The following STPG2 variants were observed in gnomAD, a reference collection of about 807,000 sequenced individuals.
The protein encoded by STPG2 is sperm-tail PG-rich repeat-containing protein 2.
Under a neutral mutation model 54.2 loss-of-function variants are expected in STPG2, and 56 were observed. The observed-to-expected ratio is 1.03, with a 90% CI of 0.83 to 1.29. STPG2 has a LOEUF of 1.29. Ranked by LOEUF, STPG2 falls within the 50% of genes most tolerant of loss-of-function variation. The pLI is 0.00. For synonymous variants in STPG2, 200 were observed against 181.8 expected, an observed-to-expected ratio of 1.10 and a Z score of -0.81; for missense variants, 596 against 544.9, an observed-to-expected ratio of 1.09 and a Z score of -0.93.
At chr4:97,851,778 C>A (rs1729165632) in intron 8 of STPG2, among the ~76,000 whole-genome samples, 1 of 152,054 alleles carries the variant, frequency 6.6e-6, no homozygotes, top group Admixed American at 6.6e-5. Flanking sequence ...AAAAAGTAGA[C>A]TTTGACTTTT....
chr4:97,462,597 G>T (rs1019070873), intron 4 of STPG2, among the ~76,000 whole-genome samples: 1 of 151,702 alleles, frequency 6.6e-6, no homozygotes, highest in Non-Finnish European at 1.5e-5. Context: ...TTTTGTAGTT[G>T]TCAGTTTGGA....
intron 5 of STPG2, among the ~76,000 whole-genome samples, chr4:98,041,864 G>A (rs1205663484): frequency 6.6e-6 from 1 of 151,900 alleles, no homozygotes; most frequent in Non-Finnish European, 1.5e-5. Flanking sequence ...AGTTAGGGAG[G>A]ATTTCCTCCT....
chr4:97,540,150 G>A (rs1403984592), intron 4 of STPG2, among the ~76,000 whole-genome samples: 2 of 151,552 alleles, frequency 1.3e-5, no homozygotes, highest in South Asian at 2.1e-4. Flanking sequence ...AGGAGACAGA[G>A]ACAAAAAACC....
intron 9 of STPG2, among the ~76,000 whole-genome samples, chr4:97,774,025 G>GTGTGTGTC (rs1726298766): frequency 6.6e-6 from 1 of 151,054 alleles, no homozygotes; most frequent in Non-Finnish European, 1.5e-5. Flanking sequence ...GTGTGTGTGT[G>GTGTGTGTC]TCAGAAAGAC....
At chr4:98,049,689 C>T (rs1737251847) in intron 5 of STPG2, among the ~76,000 whole-genome samples, 1 of 152,150 alleles carries the variant, frequency 6.6e-6, no homozygotes. Flanking sequence ...CAACAGTAAA[C>T]AGTTTTATTT....
intron 4 of STPG2, among the ~76,000 whole-genome samples, chr4:97,480,317 T>C (rs1465818422): frequency 6.6e-6 from 1 of 151,544 alleles, no homozygotes; most frequent in Admixed American, 6.6e-5. Flanking sequence ...GGTTTACCCA[T>C]TTAAAAAAAG....
intron 8 of STPG2, among the ~76,000 whole-genome samples, chr4:97,854,945 C>T (rs1169286924): frequency 6.6e-6 from 1 of 152,134 alleles, no homozygotes; most frequent in African/African-American, 2.4e-5. Flanking sequence ...TTGTTCTCCA[C>T]CATGTGTCCA....
At chr4:97,918,931 C>T (rs1378663362) in intron 8 of STPG2, among the ~76,000 whole-genome samples, 1 of 151,976 alleles carries the variant, frequency 6.6e-6, no homozygotes, top group Non-Finnish European at 1.5e-5. Context: ...ATTTATGTAA[C>T]CAAACACCAC....
In STPG2 at chr4:97,972,353, C is replaced by A; in HGVS notation, c.860G>T (p.Gly287Val). 2 of 1,610,544 alleles carry A rather than the reference C, an allele frequency of 1.2e-6. No individual in the cohort carries two copies. Among genetic ancestry groups the A allele is most frequent in the Non-Finnish European group, 8.5e-7 (1 of 1,177,748 alleles). Residue 287 changes from glycine to valine, a missense_variant, in exon 7 of 11, where the codon GGT (glycine) becomes GTT (valine). Coordinates refer to ENST00000295268, the MANE Select transcript of STPG2 (RefSeq NM_174952.3). Reference sequence around the variant, plus strand: ...GAAGAAAGTCCGAGGAACAGAAGAACCAAATGCACTTTTCTTCTGTTTCTT... The same window carrying A: ...GAAGAAAGTCCGAGGAACAGAAGAAACAAATGCACTTTTCTTCTGTTTCTT... The part of the protein sequence containing the change: ...CSKKQKKSAF[G>V]SSVPRTFFSV...
rs1731766181 is a variant in STPG2 at position 97,543,483 on chromosome 4, C to T, written c.462+169216G>A. Among the ~76,000 whole-genome samples, 4 of 151,646 alleles carry T rather than the reference C, an allele frequency of 2.6e-5. 1 individual carries two copies. The South Asian group carries it at 8.3e-4, about 31-fold the overall frequency. On this transcript the variant is annotated intron_variant, in intron 4 of 4. Transcript: ENST00000522676. ...ACGGGAAAAAAAATAAAATGCTAAG[C>T]TTAAAGAAACTTAAAAATTATATAA...
chr4:98,029,651 A>C (rs1736532941), intron 5 of STPG2, among the ~76,000 whole-genome samples: 1 of 152,190 alleles, frequency 6.6e-6, no homozygotes, highest in South Asian at 2.1e-4. Flanking sequence ...AGGACATAGA[A>C]GTATTACAAA....
At chr4:97,688,127 A>C (rs1289645570) in intron 10 of STPG2, among the ~76,000 whole-genome samples, 1 of 152,092 alleles carries the variant, frequency 6.6e-6, no homozygotes, top group African/African-American at 2.4e-5. Context: ...TCTAAAAGTG[A>C]GTTTAGCTAG....
chr4:98,079,091 G>A (rs1738259924), intron 5 of STPG2, among the ~76,000 whole-genome samples: 2 of 151,864 alleles, frequency 1.3e-5, no homozygotes, highest in Admixed American at 6.6e-5. Context: ...AGCTTTTTTG[G>A]ATGCTCAAAA....
At chr4:97,814,744 C>T (rs1348835718) in intron 9 of STPG2, among the ~76,000 whole-genome samples, 2 of 152,008 alleles carry the variant, frequency 1.3e-5, no homozygotes, top group Admixed American at 6.6e-5. Context: ...GGCAGAAAAA[C>T]GTGAAAAGAC....
intron 9 of STPG2, among the ~76,000 whole-genome samples, chr4:97,822,211 T>C (rs1042519542): frequency 7.2e-5 from 11 of 152,244 alleles, no homozygotes; most frequent in African/African-American, 2.7e-4. Context: ...TTTTTTCTGC[T>C]AGATACCCTA....
At chr4:97,891,094 G>A (rs1257450555) in intron 8 of STPG2, among the ~76,000 whole-genome samples, 1 of 151,788 alleles carries the variant, frequency 6.6e-6, no homozygotes, top group African/African-American at 2.4e-5. Flanking sequence ...ACAGAACAGG[G>A]GTTGCCTGAT....
At chr4:97,853,190 T>C (rs961720098) in intron 8 of STPG2, among the ~76,000 whole-genome samples, 1 of 151,858 alleles carries the variant, frequency 6.6e-6, no homozygotes, top group African/African-American at 2.4e-5. Context: ...GTGGTCTAGA[T>C]CTCCTGGCCT....
chr4:98,063,657 A>C (rs1737733672), intron 5 of STPG2, among the ~76,000 whole-genome samples: 1 of 142,008 alleles, frequency 7.0e-6, no homozygotes, highest in Admixed American at 7.0e-5. Context: ...AAATTAAGCA[A>C]TTGGTAAGTA....
chr4:97,616,214 G>A (rs552778224), intron 10 of STPG2, among the ~76,000 whole-genome samples: 1 of 150,358 alleles, frequency 6.7e-6, no homozygotes, highest in South Asian at 2.1e-4. Context: ...TCCTAAAGAA[G>A]TCATGATGAT....
Sources: gnomAD v4.1 joint callset for allele counts (sites outside exome capture counted in the v4.1 genomes callset) on GRCh38, gnomAD v4.1.1 for gene constraint, MANE v1.5 for transcripts, NCBI Gene and HGNC (gene_info 2026-07-23, HGNC 2026-07-21) for gene names.